Variants in DRC11 observed in about 807,000 individuals in gnomAD.
DRC11 encodes the protein dynein regulatory complex subunit 11.
the DRC11 span, among the ~76,000 whole-genome samples, chr2:236,439,566 A>G: frequency 0.023 from 3,486 of 152,238 alleles, 130 homozygotes; most frequent in African/African-American, 0.079. Flanking sequence ...TTGTCAGTGT[A>G]ATTCTGTACA....
the DRC11 span, among the ~76,000 whole-genome samples, chr2:236,479,477 G>C: frequency 6.6e-6 from 1 of 151,472 alleles, no homozygotes. This position sits in a 1 kb window ranked among gnomAD's most constrained non-coding sequence, Gnocchi z 4.1. Context: ...TTAATTAATT[G>C]CTTTTTTATT....
At chr2:236,347,516 A>G in the DRC11 span, among the ~76,000 whole-genome samples, 1 of 143,156 alleles carries the variant, frequency 7.0e-6, no homozygotes, top group African/African-American at 2.5e-5. Flanking sequence ...TGCTATATAT[A>G]TATATATATA....
At chr2:236,364,879 G>A in the DRC11 span, among the ~76,000 whole-genome samples, 9 of 151,990 alleles carry the variant, frequency 5.9e-5, no homozygotes, top group Non-Finnish European at 1.3e-4. Context: ...AAATTTAAGT[G>A]ATGATTAGAC....
chr2:236,486,937 C>G, the DRC11 span: 1 of 1,477,586 alleles, frequency 6.8e-7, no homozygotes, highest in South Asian at 1.2e-5. The surrounding 1 kb of genome is among the most constrained non-coding windows in gnomAD (Gnocchi z 5.7). Flanking sequence ...TTAATACATA[C>G]AAATATAAAG....
At chr2:236,487,547 A>C in the DRC11 span, among the ~76,000 whole-genome samples, 1 of 151,968 alleles carries the variant, frequency 6.6e-6, no homozygotes, top group Non-Finnish European at 1.5e-5. Context: ...TGCTTATCTG[A>C]TAAGGAAAGA....
At chr2:236,421,237 C>T in the DRC11 span, among the ~76,000 whole-genome samples, 1 of 152,058 alleles carries the variant, frequency 6.6e-6, no homozygotes, top group Non-Finnish European at 1.5e-5. Flanking sequence ...AATAGAGACA[C>T]AAAAAACCCT....
the DRC11 span, among the ~76,000 whole-genome samples, chr2:236,500,766 G>A: frequency 6.6e-6 from 1 of 152,232 alleles, no homozygotes; most frequent in Non-Finnish European, 1.5e-5. The surrounding 1 kb of genome is among the most constrained non-coding windows in gnomAD (Gnocchi z 6.3). Context: ...GCAGTGGTGC[G>A]ATCTCAGCTC....
the DRC11 span, among the ~76,000 whole-genome samples, chr2:236,376,384 CA>C: frequency 6.6e-6 from 1 of 152,190 alleles, no homozygotes; most frequent in African/African-American, 2.4e-5. The surrounding 1 kb of genome is among the most constrained non-coding windows in gnomAD (Gnocchi z 5.7). Flanking sequence ...AGTATTTATA[CA>C]GGACATTATC....
At chr2:236,492,559 C>T in the DRC11 span, among the ~76,000 whole-genome samples, 2 of 152,240 alleles carry the variant, frequency 1.3e-5, no homozygotes, top group Non-Finnish European at 2.9e-5. Flanking sequence ...GCAGTTGCAG[C>T]CTCAGCATAG....
chr2:236,459,521 G>T, the DRC11 span, among the ~76,000 whole-genome samples: 1 of 87,742 alleles, frequency 1.1e-5, no homozygotes, highest in Non-Finnish European at 2.2e-5. Flanking sequence ...ACGTATACAT[G>T]TATACATGTA....
chr2:236,451,643 G>A, the DRC11 span, among the ~76,000 whole-genome samples: 1 of 152,164 alleles, frequency 6.6e-6, no homozygotes, highest in Non-Finnish European at 1.5e-5. Context: ...CACAGGTGGG[G>A]AACCCAGTGG....
At chr2:236,374,798 C>A in the DRC11 span, among the ~76,000 whole-genome samples, 1 of 151,856 alleles carries the variant, frequency 6.6e-6, no homozygotes, top group Non-Finnish European at 1.5e-5. Flanking sequence ...TCAAGCGATT[C>A]TCCTGCCTCA....
At chr2:236,408,836 T>C in the DRC11 span, 1 of 658,342 alleles carries the variant, frequency 1.5e-6, no homozygotes. The surrounding 1 kb of genome is among the most constrained non-coding windows in gnomAD (Gnocchi z 5.5). Context: ...ACCATGGCAG[T>C]GTCTCCACAA....
the DRC11 span, among the ~76,000 whole-genome samples, chr2:236,326,051 G>A: frequency 6.6e-6 from 1 of 152,332 alleles, no homozygotes; most frequent in Admixed American, 6.5e-5. Flanking sequence ...AGAGATGTCT[G>A]ATTTCCCAAT....
the DRC11 span, among the ~76,000 whole-genome samples, chr2:236,318,174 C>T: frequency 2.1e-5 from 3 of 140,516 alleles, no homozygotes; most frequent in Non-Finnish European, 3.1e-5. The surrounding 1 kb of genome is among the most constrained non-coding windows in gnomAD (Gnocchi z 7.0). Context: ...TGGGTGTCTG[C>T]GTCAGCCTTT....
chr2:236,372,528 A>G, the DRC11 span, among the ~76,000 whole-genome samples: 184 of 152,322 alleles, frequency 1.2e-3, no homozygotes, highest in African/African-American at 4.3e-3. This position sits in a 1 kb window ranked among gnomAD's most constrained non-coding sequence, Gnocchi z 4.5. Context: ...AAGTTAAATG[A>G]TCATTAGCAG....
the DRC11 span, chr2:236,367,983 C>T: frequency 3.1e-5 from 18 of 587,436 alleles, no homozygotes; most frequent in South Asian, 7.6e-5. This position sits in a 1 kb window ranked among gnomAD's most constrained non-coding sequence, Gnocchi z 4.8. Context: ...GCTAAGCAGG[C>T]ACGCAGAGAG....
chr2:236,344,019 C>T, the DRC11 span, among the ~76,000 whole-genome samples: 77 of 149,634 alleles, frequency 5.1e-4, no homozygotes, highest in African/African-American at 1.9e-3. Context: ...CGTGTATCTG[C>T]ACATTTTTTT....
chr2:236,498,679 G>T, the DRC11 span, among the ~76,000 whole-genome samples: 15 of 152,148 alleles, frequency 9.9e-5, no homozygotes, highest in Non-Finnish European at 1.5e-5. Flanking sequence ...CCTTAAGGTG[G>T]TGGTGGCTCT....
Sources: gnomAD v4.1 joint callset for allele counts (sites outside exome capture counted in the v4.1 genomes callset) on GRCh38, gnomAD v4.1.1 for gene constraint, Gnocchi (gnomAD v3.1) non-coding constraint, MANE v1.5 for transcripts, NCBI Gene and HGNC (gene_info 2026-07-23, HGNC 2026-07-21) for gene names.